ARHGEF6: variants seen among roughly 807,000 people sequenced by gnomAD.
The protein encoded by ARHGEF6 is Rac/Cdc42 guanine nucleotide exchange factor 6, also known as rho guanine nucleotide exchange factor 6.
ARHGEF6 carries 9 observed loss-of-function variants against 70.3 expected under a neutral mutation model. That is an observed-to-expected ratio of 0.13 (90% CI 0.08 to 0.22). ARHGEF6 has a LOEUF of 0.22. Among genes scored for constraint, ARHGEF6 ranks in the 10% least tolerant of loss-of-function variants. The pLI is 1.00. For missense variants in ARHGEF6, 470 were observed against 563.0 expected (o/e 0.83, Z 1.67); for synonymous variants, 201 against 207.8 (o/e 0.97, Z 0.28).
intron 5 of ARHGEF6, chrX:136,737,564 G>C: frequency 1.4e-6 from 1 of 720,662 alleles, no homozygotes. Context: ...TTCATTCAAA[G>C]AAATAAAGCC....
intron 20 of ARHGEF6, among the ~76,000 whole-genome samples, chrX:136,670,917 G>C (rs958144390): frequency 8.9e-6 from 1 of 111,796 alleles, no homozygotes; most frequent in African/African-American, 3.3e-5. Flanking sequence ...GGAGATCTAA[G>C]TTTTGGTTCT....
At chrX:136,751,535 A>T (rs1021042477) in intron 2 of ARHGEF6, among the ~76,000 whole-genome samples, 2 of 111,507 alleles carry the variant, frequency 1.8e-5, no homozygotes, top group African/African-American at 6.5e-5. Flanking sequence ...TGCCCTTCCC[A>T]AATTCATATG....
At chrX:136,687,762 G>C (rs1195511586) in intron 11 of ARHGEF6, among the ~76,000 whole-genome samples, 170 bp downstream of exon 11, 1 of 112,225 alleles carries the variant, frequency 8.9e-6, no homozygotes, top group Non-Finnish European at 1.9e-5. Flanking sequence ...CTTTAGGTAA[G>C]CATGATTTTT....
chrX:136,692,048 G>T (rs958298232), intron 9 of ARHGEF6, among the ~76,000 whole-genome samples: 1 of 110,869 alleles, frequency 9.0e-6, no homozygotes, highest in Non-Finnish European at 1.9e-5. Context: ...GAAACAGAGC[G>T]GATTGCAGGT....
At chrX:136,690,999 T>C (rs1311386343) in intron 9 of ARHGEF6, among the ~76,000 whole-genome samples, 3 of 110,111 alleles carry the variant, frequency 2.7e-5, no homozygotes, top group African/African-American at 9.9e-5. Flanking sequence ...ATTCAACAAT[T>C]ACTGATTGAG....
chrX:136,742,110 G>A (rs2077048721), intron 5 of ARHGEF6, among the ~76,000 whole-genome samples: 1 of 111,248 alleles, frequency 9.0e-6, no homozygotes, highest in African/African-American at 3.3e-5. Context: ...CACAAGGTCA[G>A]GAGATCAAGA....
chrX:136,725,957 T>A (rs1259488374), intron 6 of ARHGEF6, among the ~76,000 whole-genome samples: 1 of 112,194 alleles, frequency 8.9e-6, no homozygotes, highest in Non-Finnish European at 1.9e-5. Flanking sequence ...TGTATAACTA[T>A]GTTTTCCAAA....
intron 2 of ARHGEF6, among the ~76,000 whole-genome samples, chrX:136,757,936 C>T (rs1018871781): frequency 8.4e-5 from 9 of 106,857 alleles, no homozygotes; most frequent in Non-Finnish European, 1.7e-4. Context: ...CATGCCTTTC[C>T]GAGAAGGAAA....
At chrX:136,767,236 ACGGGGCCGGCGAGCGGG>A in intron 2 of ARHGEF6, 1 of 754,870 alleles carries the variant, frequency 1.3e-6, no homozygotes, top group Non-Finnish European at 1.6e-6. Flanking sequence ...CTCCCGAGTC[ACGGGGCCGGCGAGCGGG>A]CGGGCAAGCC....
At chrX:136,694,696 G>T (rs939936614) in intron 9 of ARHGEF6, among the ~76,000 whole-genome samples, 5 of 111,754 alleles carry the variant, frequency 4.5e-5, no homozygotes, top group Non-Finnish European at 9.4e-5. Flanking sequence ...GGAGAGAAGA[G>T]GGTATTTTTG....
At chrX:136,727,319 C>CTT (rs1189111052) in intron 6 of ARHGEF6, among the ~76,000 whole-genome samples, 1 of 55,522 alleles carries the variant, frequency 1.8e-5, no homozygotes, top group African/African-American at 1.2e-4. Context: ...TTCTTTCTTT[C>CTT]TTTCTTTTTC....
chrX:136,676,502 G>A (rs1262960132), intron 18 of ARHGEF6, 122 bp downstream of exon 18: 2 of 536,282 alleles, frequency 3.7e-6, no homozygotes, highest in African/African-American at 4.7e-5. Context: ...TTCTTTATAT[G>A]TAAAAGACGA....
intron 2 of ARHGEF6, 29 bp from the exon 3 acceptor site, chrX:136,747,621 G>C: frequency 5.4e-6 from 5 of 924,093 alleles, no homozygotes; most frequent in Non-Finnish European, 7.5e-6. Context: ...GAAACCGTAA[G>C]ACACTACAAG....
chrX:136,715,138 G>A (rs929257048), intron 6 of ARHGEF6, among the ~76,000 whole-genome samples: 2 of 111,088 alleles, frequency 1.8e-5, no homozygotes, highest in African/African-American at 6.6e-5. Context: ...TCTACTTTCA[G>A]TTCCTCTATT....
At chrX:136,740,903 A>C (rs1182437687) in intron 5 of ARHGEF6, among the ~76,000 whole-genome samples, 1 of 111,971 alleles carries the variant, frequency 8.9e-6, no homozygotes, top group Non-Finnish European at 1.9e-5. Context: ...AATTATATCG[A>C]TTGAAAGATG....
Position 136,747,596 on chromosome X carries a change from T to C in ARHGEF6, c.250-4A>G, listed in dbSNP as rs752277646. 7.7e-5 allele frequency: 90 copies of C among 1,170,103 alleles called. No individual in the cohort carries two copies. Among genetic ancestry groups the C allele is most frequent in the Non-Finnish European group, 1.0e-4 (87 of 867,828 alleles). On this transcript the variant is annotated splice_polypyrimidine_tract_variant and splice_region_variant and intron_variant, in intron 2 of 21. Coordinates refer to ENST00000250617, the MANE Select transcript of ARHGEF6 (RefSeq NM_004840.3). ...AAAGGTCATCAGGATCAAATATCTA[T>C]GAGAAAGGAAAATTGAAACCGTAAG...
intron 9 of ARHGEF6, among the ~76,000 whole-genome samples, chrX:136,704,826 T>C (rs2076610114): frequency 9.0e-6 from 1 of 111,682 alleles, no homozygotes; most frequent in Non-Finnish European, 1.9e-5. Context: ...CCATATCAGA[T>C]GCTCAATATC....
chrX:136,761,348 C>T (rs1397449988), intron 2 of ARHGEF6, among the ~76,000 whole-genome samples: 1 of 112,078 alleles, frequency 8.9e-6, no homozygotes, highest in East Asian at 2.8e-4. Flanking sequence ...TTAAAAGTTC[C>T]AATCTCTGTT....
intron 9 of ARHGEF6, among the ~76,000 whole-genome samples, chrX:136,694,116 G>A (rs1409260469): frequency 9.4e-6 from 1 of 105,941 alleles, no homozygotes; most frequent in Admixed American, 1.0e-4. Context: ...GCAGTGGTGC[G>A]ATCTTGGCTC....
Sources: allele counts gnomAD v4.1 joint callset (sites outside exome capture counted in the v4.1 genomes callset), GRCh38; gene constraint gnomAD v4.1.1; transcripts MANE v1.5; gene names NCBI Gene and HGNC (gene_info 2026-07-23, HGNC 2026-07-21).